SPATA17: variants seen among roughly 807,000 people sequenced by gnomAD.
The protein encoded by SPATA17 is spermatogenesis-associated protein 17.
A neutral mutation model predicts 62.2 loss-of-function variants in SPATA17; 53 were observed. That is an observed-to-expected ratio of 0.85 (90% CI 0.68 to 1.07). The LOEUF (loss-of-function observed/expected upper bound fraction) is 1.07, where lower values mean the gene tolerates loss of function less well. Ranked by LOEUF, SPATA17 falls within the 50% of genes least tolerant of loss-of-function variation. The pLI is 0.00. For missense variants in SPATA17, 466 were observed against 425.5 expected, an observed-to-expected ratio of 1.10 and a Z score of -0.84; for synonymous variants, 146 against 146.8, an observed-to-expected ratio of 0.99 and a Z score of 0.04.
intron 10 of SPATA17, 50 bp downstream of exon 10, chr1:217,862,906 T>TA (rs755382657): frequency 8.1e-7 from 1 of 1,227,728 alleles, no homozygotes; most frequent in Non-Finnish European, 1.2e-6. Flanking sequence ...AAATAACACT[T>TA]AAAAAATCAA....
intron 1 of SPATA17, among the ~76,000 whole-genome samples, chr1:217,645,844 T>C (rs1432443703): frequency 6.6e-6 from 1 of 152,178 alleles, no homozygotes; most frequent in African/African-American, 2.4e-5. Flanking sequence ...ACCAGTTGAA[T>C]AATGACCTTG....
At chr1:217,865,938 C>G (rs1676001964) in intron 10 of SPATA17, among the ~76,000 whole-genome samples, 1 of 152,070 alleles carries the variant, frequency 6.6e-6, no homozygotes, top group African/African-American at 2.4e-5. Context: ...TACTTTTTCT[C>G]CTTTTCCATA....
At chr1:217,794,281 C>T (rs1460536244) in intron 8 of SPATA17, among the ~76,000 whole-genome samples, 2 of 152,166 alleles carry the variant, frequency 1.3e-5, no homozygotes, top group African/African-American at 2.4e-5. Flanking sequence ...CACATTAAGC[C>T]CTCTATATAC....
At chr1:217,635,356 G>A (rs1340359526) in intron 1 of SPATA17, among the ~76,000 whole-genome samples, 1 of 152,110 alleles carries the variant, frequency 6.6e-6, no homozygotes, top group Non-Finnish European at 1.5e-5. Context: ...ATCAATACAG[G>A]TAAGGTTTAT....
intron 9 of SPATA17, among the ~76,000 whole-genome samples, chr1:217,829,212 T>C (rs557973848): frequency 1.1e-4 from 17 of 152,108 alleles, no homozygotes; most frequent in Admixed American, 4.6e-4. Context: ...AAAGGATGAA[T>C]AGATAAAGAA....
chr1:217,706,030 G>A (rs533530720), intron 5 of SPATA17, among the ~76,000 whole-genome samples: 39 of 152,158 alleles, frequency 2.6e-4, no homozygotes, highest in East Asian at 3.9e-4. Flanking sequence ...GGTGTGCAGC[G>A]TTATTTCTGG....
chr1:217,866,301 A>G (rs1391835997), intron 10 of SPATA17, among the ~76,000 whole-genome samples: 1 of 152,152 alleles, frequency 6.6e-6, no homozygotes, highest in Non-Finnish European at 1.5e-5. Flanking sequence ...CTCTTGGTTA[A>G]ATTGTCTTTG....
At chr1:217,735,275 C>T (rs1320780202) in intron 5 of SPATA17, among the ~76,000 whole-genome samples, 4 of 152,136 alleles carry the variant, frequency 2.6e-5, no homozygotes. Flanking sequence ...CTGGAAAATC[C>T]AAGACAGGTG....
intron 5 of SPATA17, among the ~76,000 whole-genome samples, chr1:217,731,646 AGAT>A (rs1212341599): frequency 6.6e-6 from 1 of 152,166 alleles, no homozygotes; most frequent in African/African-American, 2.4e-5. Context: ...CCATAGTAAA[AGAT>A]GACCTAGAGG....
At chr1:217,753,170 G>T (rs974427716) in intron 6 of SPATA17, among the ~76,000 whole-genome samples, 1 of 152,054 alleles carries the variant, frequency 6.6e-6, no homozygotes, top group Admixed American at 6.6e-5. Flanking sequence ...AATTGCCAGG[G>T]TCCTACCCTG....
intron 6 of SPATA17, among the ~76,000 whole-genome samples, chr1:217,748,828 T>A (rs1176436102): frequency 6.6e-6 from 1 of 152,048 alleles, no homozygotes; most frequent in East Asian, 1.9e-4. Context: ...AGTGGAGAGA[T>A]CTTATGCATA....
chr1:217,790,630 C>T (rs375453041), intron 8 of SPATA17, among the ~76,000 whole-genome samples: 4 of 151,756 alleles, frequency 2.6e-5, no homozygotes, highest in East Asian at 2.0e-4. Flanking sequence ...TTAGTAGAGA[C>T]GGGGTTTCAC....
Position 217,639,621 on chromosome 1 carries a change from A to G in SPATA17, c.68+8175A>G, listed in dbSNP as rs568408243. Among the ~76,000 whole-genome samples, 622 of 152,322 alleles carry G rather than the reference A, an allele frequency of 4.1e-3. 7 individuals are homozygous for G. Among genetic ancestry groups the G allele is most frequent in the African/African-American group, 0.014 (576 of 41,568 alleles). Reference sequence around the variant, plus strand: ...TAATTAAGACAAATTAATCTAGAAGAAGTAAAACAAATTAAGCTGGAAGAA... The same window carrying G: ...TAATTAAGACAAATTAATCTAGAAGGAGTAAAACAAATTAAGCTGGAAGAA... On this transcript the variant is annotated intron_variant, in intron 1 of 10. Transcript: ENST00000366933.
chr1:217,631,772 C>T (rs531851611), intron 1 of SPATA17, among the ~76,000 whole-genome samples: 137 of 152,282 alleles, frequency 9.0e-4, no homozygotes, highest in African/African-American at 3.2e-3. Context: ...TGGGGGTCAC[C>T]CTGACTCACT....
rs1015329236 is a variant in SPATA17 at position 217,801,809 on chromosome 1, C to T, written c.964C>T (p.Gln322Ter). The T allele has an allele frequency of 1.9e-6, 3 of 1,610,922 alleles. No homozygotes were observed. The highest frequency in any genetic ancestry group is 1.7e-5 in the Admixed American group (1 of 59,306). Reference protein sequence around the residue: ...SKYGPISYKEQFRSENPKKWI... With the variant: ...SKYGPISYKE Reference sequence around the variant, plus strand: ...GTATGGTCCTATTTCTTACAAAGAACAATTCCGAAGTGAAAATCCTAAGAA... The same window carrying T: ...GTATGGTCCTATTTCTTACAAAGAATAATTCCGAAGTGAAAATCCTAAGAA... Residue 322 changes from glutamine to a stop codon, truncating the protein, a stop_gained, in exon 9 of 11, where the codon CAA becomes TAA. Transcript: ENST00000366933. LOFTEE classifies it high-confidence loss of function.
At chr1:217,774,280 T>A in intron 6 of SPATA17, 54 bp from the exon 7 acceptor site, 1 of 1,484,854 alleles carries the variant, frequency 6.7e-7, no homozygotes. Context: ...AACTCTTTCC[T>A]TTATTTCATC....
At chr1:217,796,880 T>C (rs1674163533) in intron 8 of SPATA17, among the ~76,000 whole-genome samples, 1 of 152,180 alleles carries the variant, frequency 6.6e-6, no homozygotes, top group Non-Finnish European at 1.5e-5. Flanking sequence ...TAATGAAAAA[T>C]AGACTGTTAT....
At chr1:217,753,157 A>C (rs1158145152) in intron 6 of SPATA17, among the ~76,000 whole-genome samples, 2 of 152,164 alleles carry the variant, frequency 1.3e-5, no homozygotes, top group African/African-American at 4.8e-5. Flanking sequence ...GACCACGTGA[A>C]CAAATTGCCA....
intron 4 of SPATA17, among the ~76,000 whole-genome samples, chr1:217,671,195 GAACAAA>G (rs1670824704): frequency 6.6e-6 from 1 of 151,944 alleles, no homozygotes; most frequent in Admixed American, 6.6e-5. Context: ...TGACTAATTG[GAACAAA>G]ATGTTTGTTA....
Sources: allele counts gnomAD v4.1 joint callset (sites outside exome capture counted in the v4.1 genomes callset), GRCh38; gene constraint gnomAD v4.1.1; transcripts MANE v1.5; gene names NCBI Gene and HGNC (gene_info 2026-07-23, HGNC 2026-07-21).